EML2: variants seen among roughly 807,000 people sequenced by gnomAD.
EML2 encodes the protein echinoderm microtubule-associated protein-like 2.
Under a neutral mutation model 84.7 loss-of-function variants are expected in EML2, and 59 were observed. The ratio of observed to expected loss-of-function variants is 0.70; its 90% CI spans 0.56 to 0.86. EML2 has a LOEUF of 0.86. EML2 is among the 40% of genes least tolerant of loss of function. The pLI is 0.00. For missense variants in EML2, 818 were observed against 855.6 expected (o/e 0.96, Z 0.55); for synonymous variants, 352 against 348.9 (o/e 1.01, Z -0.10).
At chr19:45,615,026 C>T (rs1396622635) in intron 16 of EML2, 1 of 252,236 alleles carries the variant, frequency 4.0e-6, no homozygotes, top group Admixed American at 5.1e-5. Context: ...GATGGTGAAA[C>T]CCCATCTCTA....
upstream of EML2, chr19:45,645,539 C>CTGCCAGCCCCCCAA: frequency 1.7e-6 from 2 of 1,153,290 alleles, no homozygotes; most frequent in East Asian, 5.9e-5. Context: ...GGGACACCGC[C>CTGCCAGCCCCCCAA]TGCCAAGCCC....
intron 18 of EML2, 92 bp from the exon 19 acceptor site, chr19:45,609,880 T>A: frequency 1.4e-6 from 2 of 1,399,598 alleles, no homozygotes; most frequent in Non-Finnish European, 1.9e-6. Flanking sequence ...TCTTTTCTGC[T>A]CTTCCTCTTT....
intron 1 of EML2, 164 bp downstream of exon 1, chr19:45,639,193 T>G: frequency 1.2e-6 from 1 of 812,562 alleles, no homozygotes; most frequent in Non-Finnish European, 1.9e-6. Context: ...CCACCCGCAG[T>G]TCCCCCAGCA....
At chr19:45,620,792 A>G in intron 11 of EML2, 1 of 342,656 alleles carries the variant, frequency 2.9e-6, no homozygotes, top group Non-Finnish European at 5.8e-6. Flanking sequence ...TAAGGAAGGG[A>G]GGGAGGAGGC....
intron 6 of EML2, 166 bp downstream of exon 6, chr19:45,632,695 A>C (rs1600185308): frequency 1.6e-6 from 1 of 609,826 alleles, no homozygotes; most frequent in Non-Finnish European, 2.9e-6. Context: ...ACGGTGACTC[A>C]CCCGCCCCTT....
intron 9 of EML2, among the ~76,000 whole-genome samples, chr19:45,621,989 C>T (rs1230759256): frequency 4.6e-5 from 7 of 151,592 alleles, no homozygotes; most frequent in African/African-American, 1.7e-4. Flanking sequence ...GTGATCCACC[C>T]GCCTTGGCCT....
chr19:45,641,666 T>C (rs1974520601), upstream of EML2: 3 of 1,536,174 alleles, frequency 2.0e-6, no homozygotes, highest in East Asian at 2.4e-5. Context: ...CTACAGTTGC[T>C]GCTGGAGGAT....
In EML2 at chr19:45,634,377, T is replaced by C. The variant is rs1973454725; in HGVS notation, c.274A>G (p.Ser92Gly). The change falls in exon 4 of 19, where the codon AGC becomes GGC. Residue 92 changes from serine (S) to glycine (G), a missense_variant. Physicochemically the swap from Ser to Gly is moderately conservative, Grantham distance 56. Transcript: ENST00000245925. ...TGTCGCTGCCTCTGCTCCTCCACGC[T>C]GTATAGCACGGCTACGGAGGCCACA... is the stretch of plus-strand genomic sequence containing the variant. ...YFVASVAVLY[S>G]VEEQRQRHYL... 1.9e-6 allele frequency: 3 copies of C among 1,614,010 alleles called. No individual in the cohort carries two copies. Among genetic ancestry groups the C allele is most frequent in the Admixed American group, 1.7e-5 (1 of 60,000 alleles).
intron 1 of EML2, 99 bp from the exon 2 acceptor site, chr19:45,638,972 G>A (rs1464325812): frequency 7.0e-7 from 1 of 1,436,144 alleles, no homozygotes; most frequent in South Asian, 1.2e-5. Flanking sequence ...GGAGGTCTCC[G>A]ATGAAAACGG....
chr19:45,643,952 G>A (rs1174595878), upstream of EML2, among the ~76,000 whole-genome samples: 1 of 152,216 alleles, frequency 6.6e-6, no homozygotes, highest in Non-Finnish European at 1.5e-5. Flanking sequence ...GGAAACTAAG[G>A]AAGGAGGCTA....
At chr19:45,611,897 G>A (rs1001321721) in intron 18 of EML2, among the ~76,000 whole-genome samples, 4 of 151,870 alleles carry the variant, frequency 2.6e-5, no homozygotes, top group Admixed American at 2.6e-4. Context: ...GTTTTATGAC[G>A]GAGCCTTGCT....
chr19:45,634,560 T>A (rs4803836), intron 3 of EML2, 89 bp from the exon 4 acceptor site: 249,966 of 1,025,920 alleles, frequency 0.24, 30,857 homozygotes, highest in East Asian at 0.31. Flanking sequence ...TTTTTAATTT[T>A]TTTATTTATT....
chr19:45,632,761 G>C (rs920021075), intron 6 of EML2, 100 bp downstream of exon 6: 1 of 1,031,348 alleles, frequency 9.7e-7, no homozygotes, highest in African/African-American at 1.6e-5. Context: ...GCCTCCAGCA[G>C]GATTCCCGGC....
In EML2 at chr19:45,609,549, C is replaced by T; in HGVS notation, c.*114G>A. On this transcript the variant is annotated 3_prime_UTR_variant, in exon 19 of 19. Transcript: ENST00000245925. The stretch of plus-strand genomic sequence containing the variant: ...TCTGTATGTCAGTCTACCCTCCCGC[C>T]CCCATAACCCCCTCTGCTATAGACA... 2 of 1,173,046 alleles carry T rather than the reference C, an allele frequency of 1.7e-6. No individual in the cohort carries two copies. The highest frequency in any genetic ancestry group is 2.2e-6 in the Non-Finnish European group (2 of 895,534). 72.7% of individuals were successfully genotyped at this position (1,173,046 alleles called of 1,614,324 possible).
chr19:45,632,145 G>A (rs1973121512), intron 6 of EML2, among the ~76,000 whole-genome samples: 1 of 147,086 alleles, frequency 6.8e-6, no homozygotes, highest in Non-Finnish European at 1.5e-5. Flanking sequence ...CGCCCGCCTC[G>A]GCCTCCTAAA....
rs1376521704 is a variant in EML2, at chr19:45,626,689, A to T, written c.741+16T>A. 1.2e-6 allele frequency: 2 copies of T among 1,603,328 alleles called. No homozygotes were observed. The highest frequency in any genetic ancestry group is 1.7e-6 in the Non-Finnish European group (2 of 1,172,022). ...TCTCTCAGGGCCAGCCTGTCCCCCA[A>T]ACCCCTGGCACTCACCTCAAAGAGG... On this transcript the variant is annotated intron_variant, in intron 8 of 18. Coordinates refer to ENST00000245925, the MANE Select transcript of EML2 (RefSeq NM_012155.4).
chr19:45,630,482 G>A (rs990698226), intron 6 of EML2, among the ~76,000 whole-genome samples: 3 of 149,018 alleles, frequency 2.0e-5, no homozygotes, highest in African/African-American at 7.4e-5. Flanking sequence ...GAACTGGGAG[G>A]CAGAGGATGC....
intron 12 of EML2, 109 bp from the exon 13 acceptor site, chr19:45,617,806 C>T: frequency 1.2e-6 from 1 of 868,784 alleles, no homozygotes; most frequent in African/African-American, 1.7e-5. Flanking sequence ...GCTCTCCCCT[C>T]CCTCTGCTGC....
upstream of EML2, chr19:45,645,139 G>T: frequency 9.6e-7 from 1 of 1,046,658 alleles, no homozygotes; most frequent in Non-Finnish European, 1.4e-6. Context: ...TTGGGTCAGG[G>T]TCCTGCTGAG....
Sources: gnomAD v4.1 joint callset for allele counts (sites outside exome capture counted in the v4.1 genomes callset) on GRCh38, gnomAD v4.1.1 for gene constraint, MANE v1.5 for transcripts, NCBI Gene and HGNC (gene_info 2026-07-23, HGNC 2026-07-21) for gene names.